AOPEP: variants seen among roughly 807,000 people sequenced by gnomAD.
AOPEP encodes aminopeptidase O.
Under a neutral mutation model 98.1 loss-of-function variants are expected in AOPEP, and 77 were observed. The ratio of observed to expected loss-of-function variants is 0.78; its 90% CI spans 0.65 to 0.95. The LOEUF is 0.95. Among genes scored for constraint, AOPEP ranks in the 40% least tolerant of loss-of-function variants. The pLI is 0.00. For synonymous variants in AOPEP, 346 were observed against 365.3 expected (o/e 0.95, Z 0.60); for missense variants, 1,024 against 1,024.7 (o/e 1.00, Z 0.01).
chr9:95,114,607 G>A, the AOPEP span: 2 of 1,601,542 alleles, frequency 1.2e-6, no homozygotes, highest in Non-Finnish European at 1.7e-6. Context: ...AGTAGATTTG[G>A]GAGTGGTCAG....
At chr9:95,136,226 C>CA in the AOPEP span, among the ~76,000 whole-genome samples, 545 of 151,260 alleles carry the variant, frequency 3.6e-3, 2 homozygotes, top group African/African-American at 0.013. Flanking sequence ...CCTGCTTCTA[C>CA]AAAAAAAAAT....
Position 94,795,832 on chromosome 9 carries a change from G to A in AOPEP, c.1118+2914G>A, listed in dbSNP as rs372619390. Among the ~76,000 whole-genome samples, 85 of 152,304 alleles carry A rather than the reference G, an allele frequency of 5.6e-4. 4 individuals are homozygous for A. Among genetic ancestry groups the A allele is most frequent in the African/African-American group, 2.0e-3 (84 of 41,566 alleles). ...TGTCGGGCTTTAGGGGAAGAAGCAAGTACAACTCCTCTCTTGTCCTCCTAA... is the reference window on the plus strand; with the variant it reads ...TGTCGGGCTTTAGGGGAAGAAGCAAATACAACTCCTCTCTTGTCCTCCTAA... On this transcript the variant is annotated intron_variant, in intron 4 of 16. Coordinates refer to ENST00000375315, the MANE Select transcript of AOPEP (RefSeq NM_001193329.3).
At chr9:94,764,892 A>G (rs1839198277) in intron 2 of AOPEP, among the ~76,000 whole-genome samples, 1 of 152,068 alleles carries the variant, frequency 6.6e-6, no homozygotes, top group Non-Finnish European at 1.5e-5. Context: ...ATTATTTTAT[A>G]AGACAGGGTC....
At chr9:95,148,003 C>G in the AOPEP span, among the ~76,000 whole-genome samples, 23 of 152,042 alleles carry the variant, frequency 1.5e-4, no homozygotes, top group African/African-American at 5.6e-4. Context: ...CTGGAATAAC[C>G]GTGTTGACAT....
intron 13 of AOPEP, among the ~76,000 whole-genome samples, chr9:95,032,999 C>T (rs921715874): frequency 2.2e-4 from 33 of 152,124 alleles, no homozygotes; most frequent in African/African-American, 8.0e-4. Flanking sequence ...GGGATGGCCA[C>T]GTATTGTTCA....
At chr9:94,746,569 A>G (rs1834527690) in intron 1 of AOPEP, among the ~76,000 whole-genome samples, 1 of 152,216 alleles carries the variant, frequency 6.6e-6, no homozygotes, top group Non-Finnish European at 1.5e-5. Context: ...AACATGCTAT[A>G]CTTTGCAAGC....
chr9:95,000,381 T>C (rs2061487245), intron 11 of AOPEP, among the ~76,000 whole-genome samples: 1 of 152,144 alleles, frequency 6.6e-6, no homozygotes, highest in African/African-American at 2.4e-5. Flanking sequence ...TCTAAAATCA[T>C]CCAAAAATAT....
At chr9:95,141,303 C>A in the AOPEP span, among the ~76,000 whole-genome samples, 4 of 97,756 alleles carry the variant, frequency 4.1e-5, no homozygotes, top group Non-Finnish European at 5.5e-5. Flanking sequence ...CAGAGTGAGA[C>A]CCTGTCTCAA....
chr9:95,131,766 G>A, the AOPEP span, among the ~76,000 whole-genome samples: 1 of 152,150 alleles, frequency 6.6e-6, no homozygotes, highest in Non-Finnish European at 1.5e-5. Context: ...ACAGCAAACT[G>A]ACAATATCAC....
chr9:94,753,846 T>C (rs962070940), intron 1 of AOPEP, among the ~76,000 whole-genome samples: 1 of 152,208 alleles, frequency 6.6e-6, no homozygotes. Flanking sequence ...TCTAGACATC[T>C]CGTGTTTTCT....
chr9:94,910,770 G>T (rs1301179066), intron 5 of AOPEP, among the ~76,000 whole-genome samples: 2 of 152,130 alleles, frequency 1.3e-5, no homozygotes, highest in African/African-American at 2.4e-5. Flanking sequence ...TAACACATCT[G>T]CAGAGAAGGA....
Position 94,759,854 on chromosome 9 carries a change from A to C in AOPEP, c.71A>C (p.Lys24Thr), listed in dbSNP as rs1161800602. The change falls in exon 2 of 17, where the codon AAG becomes ACG. Residue 24 changes from lysine (K) to threonine (T), a missense_variant. Coordinates refer to ENST00000375315, the MANE Select transcript of AOPEP (RefSeq NM_001193329.3). ...GCCAACACCAGCCACATACTTGTGA[A>C]GCACTATGTACTGGATTTGGATGTG... is the stretch of plus-strand genomic sequence containing the variant. ...LMANTSHILVKHYVLDLDVDF... is the reference protein window; with the variant it reads ...LMANTSHILVTHYVLDLDVDF... The C allele has an allele frequency of 1.2e-6, 2 of 1,614,182 alleles. No individual in the cohort carries two copies. Among genetic ancestry groups the C allele is most frequent in the South Asian group, 1.1e-5 (1 of 91,080 alleles).
At chr9:94,920,361 T>C (rs1454953596) in intron 5 of AOPEP, 2 of 152,318 alleles carry the variant, frequency 1.3e-5, no homozygotes, top group Admixed American at 6.6e-5. Flanking sequence ...ATGAGGGGAA[T>C]TGGGGTCTGC....
In AOPEP at chr9:95,045,169, C is replaced by T. The variant is rs543710755; in HGVS notation, c.2116-15525C>T. On this transcript the variant is annotated intron_variant, in intron 13 of 16. Transcript: ENST00000375315. ...CTGGTCCGGGTTACTCTCCAGCCAACGGCGCCCCTAGCGTCTGCGAAATCA... is the reference window on the plus strand; with the variant it reads ...CTGGTCCGGGTTACTCTCCAGCCAATGGCGCCCCTAGCGTCTGCGAAATCA... Among the ~76,000 whole-genome samples, 3 of 152,376 alleles carry T rather than the reference C, an allele frequency of 2.0e-5. No homozygotes were observed. In the South Asian group the frequency reaches 6.2e-4, roughly 32 times the overall value.
chr9:95,022,426 C>T (rs906722499), intron 13 of AOPEP: 1 of 152,254 alleles, frequency 6.6e-6, no homozygotes, highest in Non-Finnish European at 1.5e-5. Flanking sequence ...CAACCTCCAC[C>T]TCTTGGGTTC....
chr9:95,056,883 T>A (rs2066874341), intron 13 of AOPEP, among the ~76,000 whole-genome samples: 1 of 152,222 alleles, frequency 6.6e-6, no homozygotes, highest in South Asian at 2.1e-4. Context: ...TCAGTAAGTT[T>A]CATAGTTCTG....
intron 5 of AOPEP, among the ~76,000 whole-genome samples, chr9:94,837,149 A>G (rs548041229): frequency 2.2e-4 from 34 of 152,310 alleles, no homozygotes; most frequent in African/African-American, 7.9e-4. Context: ...CATAAACTAG[A>G]AAACAGAGGA....
At chr9:95,136,878 G>A in the AOPEP span, among the ~76,000 whole-genome samples, 3 of 152,242 alleles carry the variant, frequency 2.0e-5, no homozygotes, top group South Asian at 6.2e-4. Flanking sequence ...TCCCCTCCCT[G>A]GAGGGAGCAT....
At chr9:95,043,437 T>A (rs979627452) in intron 13 of AOPEP, among the ~76,000 whole-genome samples, 6 of 152,050 alleles carry the variant, frequency 3.9e-5, no homozygotes, top group Admixed American at 2.0e-4. Context: ...TAAAACTAAT[T>A]TATGGTTTTA....
Sources: gnomAD v4.1 joint callset for allele counts (sites outside exome capture counted in the v4.1 genomes callset) on GRCh38, gnomAD v4.1.1 for gene constraint, MANE v1.5 for transcripts, NCBI Gene and HGNC (gene_info 2026-07-23, HGNC 2026-07-21) for gene names.